The following DDX23 variants were observed in gnomAD, a reference collection of about 807,000 sequenced individuals.
DDX23 encodes probable ATP-dependent RNA helicase DDX23.
In DDX23, 33 loss-of-function variants were observed where a neutral mutation model predicts 102.7. The ratio of observed to expected loss-of-function variants is 0.32; its 90% CI spans 0.24 to 0.43. The LOEUF (loss-of-function observed/expected upper bound fraction) is 0.43, where lower values mean the gene tolerates loss of function less well. Ranked by LOEUF, DDX23 falls within the 20% of genes least tolerant of loss-of-function variation. The pLI, the probability that DDX23 is intolerant of heterozygous loss-of-function variation, is 1.00. For synonymous variants in DDX23, 352 were observed against 376.0 expected, an observed-to-expected ratio of 0.94 and a Z score of 0.74; for missense variants, 549 against 1,086.6, an observed-to-expected ratio of 0.51 and a Z score of 6.96.
At chr12:48,839,442 C>T (rs1789514526) in intron 5 of DDX23, 1 of 162,522 alleles carries the variant, frequency 6.2e-6, no homozygotes, top group Non-Finnish European at 1.3e-5. Flanking sequence ...ACCTGTAGTC[C>T]CAGATACTTG....
intron 3 of DDX23, 97 bp downstream of exon 3, chr12:48,843,843 T>C: frequency 1.4e-6 from 2 of 1,379,336 alleles, no homozygotes; most frequent in South Asian, 1.2e-5. Flanking sequence ...CCACCACGCC[T>C]GGCGAGAAAT....
chr12:48,839,228 G>A (rs959286511), intron 5 of DDX23, among the ~76,000 whole-genome samples: 1 of 151,638 alleles, frequency 6.6e-6, no homozygotes, highest in South Asian at 2.1e-4. Context: ...TTGACTATAT[G>A]TGGAGACAGG....
At position 48,836,441 on chromosome 12, in the gene DDX23, G is replaced by A; in HGVS notation, c.1236+128C>T. The A allele has an allele frequency of 1.6e-6, 2 of 1,253,700 alleles. No homozygotes were observed. The highest frequency in any genetic ancestry group is 2.2e-6 in the Non-Finnish European group (2 of 889,932). 77.7% of individuals were successfully genotyped at this position (1,253,700 alleles called of 1,614,324 possible). A position where few individuals can be genotyped will look rare whatever the true frequency, so the allele number is the denominator to read the frequency against. ...TAAAAGCCAACACTTCTACCAGAAA[G>A]TGACAGAAAAGGTCACATTGGTGCC... On this transcript the variant is annotated intron_variant, in intron 10 of 16. Transcript: ENST00000308025. The surrounding 1 kb of genome is among the most constrained non-coding windows in gnomAD (Gnocchi z 6.1).
rs1355599550 is a variant in DDX23, at chr12:48,837,632, C to A, written c.645G>T (p.Arg215=). The change falls in exon 7 of 17, where the codon CGG becomes CGT. Residue 215 remains arginine (R), a synonymous_variant. Transcript: ENST00000308025. ...MLEDPQERER[R]ERRERMERET... ...CCCGTTCCATCCTCTCCCTGCGTTC[C>A]CGACGTTCCCGTTCCTGAGGATCTT... The A allele has an allele frequency of 6.2e-7, 1 of 1,614,032 alleles. No individual in the cohort carries two copies. Among genetic ancestry groups the A allele is most frequent in the Non-Finnish European group, 8.5e-7 (1 of 1,180,038 alleles).
Position 48,830,128 on chromosome 12 carries a change from C to T in DDX23, c.*341G>A, listed in dbSNP as rs529441941. The T allele has an allele frequency of 5.3e-5, 25 of 472,846 alleles. No individual in the cohort carries two copies. The highest frequency in any genetic ancestry group is 2.0e-4 in the African/African-American group (10 of 51,240). The allele number at this position is 472,846 out of a possible 1,614,324, so 29.3% of individuals were successfully genotyped here. A position where few individuals can be genotyped will look rare whatever the true frequency, so the allele number is the denominator to read the frequency against. The stretch of plus-strand genomic sequence containing the variant: ...AGTCTGTGCCAAAGGAGGTCCCATC[C>T]GGCGGCCAGGTTTCTGTTCAGTCTG... On this transcript the variant is annotated 3_prime_UTR_variant, in exon 17 of 17. Coordinates refer to ENST00000308025, the MANE Select transcript of DDX23 (RefSeq NM_004818.3). This position sits in a 1 kb window ranked among gnomAD's most constrained non-coding sequence, Gnocchi z 4.9.
At chr12:48,839,090 G>GT (rs1312734965) in intron 5 of DDX23, among the ~76,000 whole-genome samples, 1 of 151,972 alleles carries the variant, frequency 6.6e-6, no homozygotes, top group Non-Finnish European at 1.5e-5. Flanking sequence ...GCCTAGGCTG[G>GT]TCTAAAAATC....
In DDX23 at chr12:48,832,140, T is replaced by C. The variant is rs749702359; in HGVS notation, c.2002A>G (p.Ile668Val). The C allele has an allele frequency of 6.2e-7, 1 of 1,613,836 alleles. No individual in the cohort carries two copies. The highest frequency in any genetic ancestry group is 1.1e-5 in the South Asian group (1 of 91,076). The change falls in exon 15 of 17, where the codon ATT becomes GTT. Residue 668 changes from isoleucine to valine, a missense_variant. Coordinates refer to ENST00000308025, the MANE Select transcript of DDX23 (RefSeq NM_004818.3). The surrounding 1 kb of genome is among the most constrained non-coding windows in gnomAD (Gnocchi z 4.4). ...ILEQGFDPPI[I>V]IFVNQKKGCD... ...CCCTTCTTCTGGTTGACAAAAATAA[T>C]GATGGGTGGGTCAAAGCCTTGCTCC...
At chr12:48,842,898 C>T (rs1442352876) in intron 3 of DDX23, among the ~76,000 whole-genome samples, 2 of 151,312 alleles carry the variant, frequency 1.3e-5, no homozygotes, top group East Asian at 1.9e-4. Flanking sequence ...GGATGGTTGC[C>T]GTGTCTGTGT....
intron 4 of DDX23, 36 bp downstream of exon 4, chr12:48,839,977 G>A (rs1183016487): frequency 6.2e-6 from 10 of 1,610,472 alleles, no homozygotes; most frequent in East Asian, 2.2e-5. Flanking sequence ...AGCAACGCAC[G>A]AGTTGAAGAT....
intron 12 of DDX23, 40 bp downstream of exon 12, chr12:48,834,280 T>A: frequency 6.3e-7 from 1 of 1,576,290 alleles, no homozygotes; most frequent in Non-Finnish European, 8.6e-7. Flanking sequence ...CAAGATAGCC[T>A]TCCCAGACAG....
chr12:48,837,891 T>C, intron 6 of DDX23, 51 bp downstream of exon 6: 1 of 1,610,254 alleles, frequency 6.2e-7, no homozygotes, highest in Non-Finnish European at 8.5e-7. Context: ...CTGTATCTCA[T>C]CCCACTCTTT....
intron 15 of DDX23, among the ~76,000 whole-genome samples, 154 bp from the exon 16 acceptor site, chr12:48,831,470 G>A (rs920905990): frequency 9.9e-5 from 15 of 152,192 alleles, no homozygotes; most frequent in Non-Finnish European, 1.2e-4. Flanking sequence ...GTGAAAGAAG[G>A]AGAGAACAAG....
At chr12:48,845,193 C>A (rs1938643875) in intron 2 of DDX23, among the ~76,000 whole-genome samples, 1 of 150,524 alleles carries the variant, frequency 6.6e-6, no homozygotes, top group Admixed American at 6.6e-5. Flanking sequence ...GTGGCTCACG[C>A]CTATAATCTC....
chr12:48,842,221 G>C (rs1383003807), intron 3 of DDX23, among the ~76,000 whole-genome samples: 1 of 150,630 alleles, frequency 6.6e-6, no homozygotes, highest in Non-Finnish European at 1.5e-5. Context: ...CCAGGAGGGA[G>C]GTGGGGGGGT....
At chr12:48,849,712 C>T (rs528239505) in intron 1 of DDX23, among the ~76,000 whole-genome samples, 1 of 151,918 alleles carries the variant, frequency 6.6e-6, no homozygotes, top group Admixed American at 6.5e-5. Context: ...CACTTGTAAT[C>T]CTAGCACTTT....
intron 5 of DDX23, among the ~76,000 whole-genome samples, chr12:48,838,747 G>A (rs996752859): frequency 6.6e-6 from 1 of 152,004 alleles, no homozygotes; most frequent in Non-Finnish European, 1.5e-5. Context: ...CAGCTACTCA[G>A]GAGGCTGAGG....
intron 2 of DDX23, 128 bp from the exon 3 acceptor site, chr12:48,844,178 C>T (rs1229804390): frequency 1.2e-6 from 1 of 852,396 alleles, no homozygotes; most frequent in Non-Finnish European, 1.9e-6. Flanking sequence ...GTATCTCTCA[C>T]GGAAATAACG....
Position 48,830,603 on chromosome 12 carries a change from A to G in DDX23, c.2329T>C (p.Tyr777His), listed in dbSNP as rs1441079345. ...FLTKEDSAVFYELKQAILESP... is the reference protein window; with the variant it reads ...FLTKEDSAVFHELKQAILESP... ...TCCAGGATAGCTTGCTTCAGCTCGT[A>G]GAACACAGCAGAGTCCTCTTTTGTG... Residue 777 changes from tyrosine (Y) to histidine (H), a missense_variant, in exon 17 of 17, where the codon TAC (tyrosine) becomes CAC (histidine). Physicochemically the swap from Tyr to His is moderately conservative, Grantham distance 83. This residue lies in a region of DDX23 where 38 missense variants were observed against 94.5 expected (regional missense o/e 0.40). Transcript: ENST00000308025. The surrounding 1 kb of genome is among the most constrained non-coding windows in gnomAD (Gnocchi z 4.9). The G allele has an allele frequency of 6.2e-7, 1 of 1,614,180 alleles. No individual in the cohort carries two copies. The highest frequency in any genetic ancestry group is 8.5e-7 in the Non-Finnish European group (1 of 1,180,028).
Position 48,837,025 on chromosome 12 carries a change from C to T in DDX23, c.879G>A (p.Arg293=), listed in dbSNP as rs1349708204. The T allele has an allele frequency of 6.2e-7, 1 of 1,613,938 alleles. No homozygotes were observed. The highest frequency in any genetic ancestry group is 1.1e-5 in the South Asian group (1 of 91,072). Residue 293 remains arginine, a synonymous_variant, in exon 9 of 17, where the codon CGG becomes CGA. Coordinates refer to ENST00000308025, the MANE Select transcript of DDX23 (RefSeq NM_004818.3). ...CTCGCCCTAACAACTGCACCTGGTGCCGTTCTTTGTACCTGGGATTGAGAT... is the reference window on the plus strand; with the variant it reads ...CTCGCCCTAACAACTGCACCTGGTGTCGTTCTTTGTACCTGGGATTGAGAT... ...SIDYNPLYKE[R]HQVQLLGRGF... is the part of the protein sequence containing the mutation.
Sources: gnomAD v4.1 joint callset for allele counts (sites outside exome capture counted in the v4.1 genomes callset) on GRCh38, gnomAD v4.1.1 for gene constraint, gnomAD v4.1.1 regional missense constraint, Gnocchi (gnomAD v3.1) non-coding constraint, MANE v1.5 for transcripts, NCBI Gene and HGNC (gene_info 2026-07-23, HGNC 2026-07-21) for gene names.